The following SUGCT variants were observed in gnomAD, a reference collection of about 807,000 sequenced individuals.
The protein encoded by SUGCT is succinyl-CoA:glutarate CoA-transferase.
A neutral mutation model predicts 55.0 loss-of-function variants in SUGCT; 41 were observed. That is an observed-to-expected ratio of 0.74 (90% CI 0.58 to 0.97). The LOEUF (loss-of-function observed/expected upper bound fraction) is 0.97, where lower values mean the gene tolerates loss of function less well. Ranked by LOEUF, SUGCT falls within the 50% of genes least tolerant of loss-of-function variation. SUGCT has a pLI of 0.00. For missense variants in SUGCT, 568 were observed against 547.8 expected (o/e 1.04, Z -0.37); for synonymous variants, 187 against 200.4 (o/e 0.93, Z 0.56).
intron 13 of SUGCT, among the ~76,000 whole-genome samples, chr7:40,822,470 T>A (rs1792073073): frequency 6.6e-6 from 1 of 152,198 alleles, no homozygotes; most frequent in African/African-American, 2.4e-5. Context: ...CATATATATT[T>A]AGTATAGTTA....
At position 40,135,080 on chromosome 7, in the gene SUGCT, G is replaced by C; in HGVS notation, c.60G>C (p.Arg20=). The part of the protein sequence containing the change: ...ALRRTCLFSG[R]GGGRGLWTGR... ...GCAGAACCTGCCTCTTCTCCGGCCG[G>C]GGCGGCGGGAGGGGGCTGTGGACTG... Residue 20 remains arginine (R), a synonymous_variant, in exon 1 of 14, where the codon CGG becomes CGC. Transcript: ENST00000335693. 6.4e-7 allele frequency: 1 copy of C among 1,560,374 alleles called. No individual in the cohort carries two copies.
At chr7:40,595,480 T>C (rs1797963231) in intron 12 of SUGCT, among the ~76,000 whole-genome samples, 1 of 152,184 alleles carries the variant, frequency 6.6e-6, no homozygotes, top group South Asian at 2.1e-4. Flanking sequence ...TTGTCATTGA[T>C]AAAACTGACA....
At chr7:40,376,948 T>C (rs1784577119) in intron 9 of SUGCT, among the ~76,000 whole-genome samples, 1 of 151,562 alleles carries the variant, frequency 6.6e-6, no homozygotes, top group Non-Finnish European at 1.5e-5. Flanking sequence ...ATATATTTTT[T>C]CCCCCAGCGT....
At chr7:40,760,638 A>T (rs1788483680) in intron 13 of SUGCT, among the ~76,000 whole-genome samples, 1 of 152,194 alleles carries the variant, frequency 6.6e-6, no homozygotes, top group African/African-American at 2.4e-5. Flanking sequence ...TATGATTCAT[A>T]AAAATATTAA....
chr7:40,293,391 C>T (rs1295655842), intron 8 of SUGCT, among the ~76,000 whole-genome samples: 1 of 152,114 alleles, frequency 6.6e-6, no homozygotes, highest in Non-Finnish European at 1.5e-5. Flanking sequence ...TGTCTCTTTC[C>T]CATCCCCAGA....
At chr7:40,649,876 A>G (rs1024022392) in intron 12 of SUGCT, among the ~76,000 whole-genome samples, 4 of 152,218 alleles carry the variant, frequency 2.6e-5, no homozygotes, top group Admixed American at 2.6e-4. Flanking sequence ...TATATTGGTT[A>G]TTTATTGCTG....
intron 11 of SUGCT, among the ~76,000 whole-genome samples, chr7:40,480,733 AT>A (rs568998777): frequency 4.6e-5 from 7 of 151,390 alleles, no homozygotes; most frequent in South Asian, 2.1e-4. Flanking sequence ...TTTCTGGTTG[AT>A]TTTTTTTCCC....
At position 40,719,580 on chromosome 7, in the gene SUGCT, A is replaced by G. The variant is rs568025520; in HGVS notation, c.1090-29854A>G. On this transcript the variant is annotated intron_variant, in intron 12 of 13. Transcript: ENST00000335693. ...GAAAACCAGGAAAAAGATTTTCAGA[A>G]CTGAAAACCAGGCAAAAGCCCACAA... Among the ~76,000 whole-genome samples the G allele has an allele frequency of 2.3e-3, 348 of 152,318 alleles. 2 individuals carry two copies. The highest frequency in any genetic ancestry group is 8.0e-3 in the African/African-American group (331 of 41,564).
rs191279793 is a variant in SUGCT at position 40,530,238 on chromosome 7, T to C, written c.1089+33852T>C. Among the ~76,000 whole-genome samples the C allele has an allele frequency of 3.3e-5, 5 of 152,378 alleles. No individual in the cohort carries two copies. The East Asian group carries it at 5.8e-4, about 18-fold the overall frequency. ...TTTGAACAATTCTAATTATAACTTA[T>C]AGCAAGTTGAGTGTAGTTTGTTCTA... On this transcript the variant is annotated intron_variant, in intron 12 of 13. Coordinates refer to ENST00000335693, the MANE Select transcript of SUGCT (RefSeq NM_001193313.2).
At chr7:40,463,209 TG>T (rs1235805132) in intron 11 of SUGCT, among the ~76,000 whole-genome samples, 1 of 152,172 alleles carries the variant, frequency 6.6e-6, no homozygotes, top group African/African-American at 2.4e-5. Flanking sequence ...AACGTGAAAA[TG>T]TGGAGGGATT....
intron 12 of SUGCT, among the ~76,000 whole-genome samples, chr7:40,544,849 A>G (rs903024524): frequency 6.6e-6 from 1 of 152,234 alleles, no homozygotes; most frequent in African/African-American, 2.4e-5. Flanking sequence ...TCGTTATTCA[A>G]TAACTATCCT....
intron 9 of SUGCT, among the ~76,000 whole-genome samples, chr7:40,446,071 G>C (rs1187933353): frequency 1.3e-5 from 2 of 152,040 alleles, no homozygotes; most frequent in Non-Finnish European, 2.9e-5. Flanking sequence ...TCCTCCCAGG[G>C]CATGCCATCC....
At chr7:40,951,940 G>T in the SUGCT span, among the ~76,000 whole-genome samples, 17 of 152,310 alleles carry the variant, frequency 1.1e-4, no homozygotes, top group South Asian at 2.7e-3. Flanking sequence ...TTGATTTTGG[G>T]TGGAGAGTTC....
chr7:40,919,986 T>C, the SUGCT span, among the ~76,000 whole-genome samples: 12 of 152,274 alleles, frequency 7.9e-5, no homozygotes, highest in Admixed American at 7.8e-4. Flanking sequence ...TGCTTCTTTC[T>C]TCCTCCATAG....
rs180838833 is a variant in SUGCT at position 40,436,056 on chromosome 7, G to A, written c.817-13231G>A. 5.3e-4 allele frequency among the ~76,000 whole-genome samples: 80 copies of A among 150,064 alleles called. 1 individual carries two copies. In the East Asian group the frequency reaches 0.015, roughly 28 times the overall value. On this transcript the variant is annotated intron_variant, in intron 9 of 13. Coordinates refer to ENST00000335693, the MANE Select transcript of SUGCT (RefSeq NM_001193313.2). ...CCTCCTAGGTTCAAGCAATTCTCCT[G>A]CCTCAGCCACCTGAGTAGCCAGACT... is the stretch of plus-strand genomic sequence containing the variant.
chr7:40,820,453 T>C (rs1452808030), intron 13 of SUGCT, among the ~76,000 whole-genome samples: 3 of 152,196 alleles, frequency 2.0e-5, no homozygotes, highest in Non-Finnish European at 4.4e-5. Context: ...AGCAGTGGTT[T>C]GTAGTTCTCC....
At chr7:40,151,128 T>TA (rs1788547254) in intron 1 of SUGCT, among the ~76,000 whole-genome samples, 4 of 151,980 alleles carry the variant, frequency 2.6e-5, no homozygotes, top group Non-Finnish European at 5.9e-5. Context: ...TAGTACCAGC[T>TA]AATTGGGAGG....
At position 40,316,836 on chromosome 7, in the gene SUGCT, G is replaced by A. The variant is rs190351996; in HGVS notation, c.797G>A (p.Gly266Asp). 1.3e-6 allele frequency: 2 copies of A among 1,591,936 alleles called. No homozygotes were observed. The highest frequency in any genetic ancestry group is 8.6e-7 in the Non-Finnish European group (1 of 1,167,698). Reference sequence around the variant, plus strand: ...GCAAAACGTTGGGGTACAGCTCATGGCAGTATCGTTCCTTACCAGGTAAGA... The same window carrying A: ...GCAAAACGTTGGGGTACAGCTCATGACAGTATCGTTCCTTACCAGGTAAGA... ...KEAKRWGTAH[G>D]SIVPYQAFKT... Residue 266 changes from glycine (G) to aspartate (D), a missense_variant, in exon 9 of 14, where the codon GGC (glycine) becomes GAC (aspartate). Physicochemically the swap from Gly to Asp is moderately conservative, Grantham distance 94. Transcript: ENST00000335693.
chr7:40,649,404 G>C (rs569350921), intron 12 of SUGCT, among the ~76,000 whole-genome samples: 31 of 152,106 alleles, frequency 2.0e-4, no homozygotes, highest in East Asian at 1.9e-3. Flanking sequence ...TTACAGATGG[G>C]GGGGGAAGGA....
Sources: allele counts gnomAD v4.1 joint callset (sites outside exome capture counted in the v4.1 genomes callset), GRCh38; gene constraint gnomAD v4.1.1; transcripts MANE v1.5; gene names NCBI Gene and HGNC (gene_info 2026-07-23, HGNC 2026-07-21).